LRMDA: variants seen among roughly 807,000 people sequenced by gnomAD.
The protein encoded by LRMDA is leucine-rich melanocyte differentiation-associated protein.
LRMDA carries 18 observed loss-of-function variants against 29.8 expected under a neutral mutation model. That is an observed-to-expected ratio of 0.60 (90% CI 0.42 to 0.90). The LOEUF is 0.90. LRMDA is among the 40% of genes least tolerant of loss of function. LRMDA has a pLI of 0.00. For missense variants in LRMDA, 273 were observed against 273.9 expected (o/e 1.00, Z 0.02); for synonymous variants, 125 against 109.4 (o/e 1.14, Z -0.89).
At chr10:75,761,895 G>T (rs944859193) in intron 2 of LRMDA, among the ~76,000 whole-genome samples, 10 of 149,914 alleles carry the variant, frequency 6.7e-5, no homozygotes, top group South Asian at 4.2e-4. Flanking sequence ...CTGCATCCCA[G>T]GCTCAAGTGA....
chr10:75,879,377 A>G (rs920169148), intron 2 of LRMDA, among the ~76,000 whole-genome samples: 3 of 152,298 alleles, frequency 2.0e-5, no homozygotes, highest in East Asian at 1.9e-4. Context: ...CTACCACACA[A>G]TTAGAGTAGA....
Position 75,556,756 on chromosome 10 carries a change from T to G in LRMDA, c.131+118262T>G, listed in dbSNP as rs966815191. 5.5e-4 allele frequency among the ~76,000 whole-genome samples: 83 copies of G among 151,648 alleles called. 2 individuals carry two copies. The highest frequency in any genetic ancestry group is 2.0e-4 in the Admixed American group (3 of 15,206). ...GACCCATGTGGTTGCATGATTGTTT[T>G]TTTTTTTTTTGTCATTTTATGTGAA... On this transcript the variant is annotated intron_variant, in intron 2 of 6. Transcript: ENST00000611255.
intron 5 of LRMDA, among the ~76,000 whole-genome samples, chr10:76,323,794 TG>T (rs1471394261): frequency 1.2e-4 from 19 of 152,158 alleles, no homozygotes; most frequent in African/African-American, 4.6e-4. Flanking sequence ...TTTTAGGCCT[TG>T]GAGTGACACA....
chr10:75,757,475 G>A (rs778729490), intron 2 of LRMDA, among the ~76,000 whole-genome samples: 4 of 152,180 alleles, frequency 2.6e-5, no homozygotes, highest in Non-Finnish European at 5.9e-5. Flanking sequence ...AAAGCATGCA[G>A]TGATCCCTGT....
At chr10:75,588,587 C>T (rs1346540365) in intron 2 of LRMDA, among the ~76,000 whole-genome samples, 1 of 152,050 alleles carries the variant, frequency 6.6e-6, no homozygotes, top group African/African-American at 2.4e-5. Flanking sequence ...TTTAAAATAT[C>T]CTAGCACTCT....
intron 2 of LRMDA, among the ~76,000 whole-genome samples, chr10:75,763,831 C>T (rs1227180005): frequency 3.3e-5 from 5 of 151,958 alleles, no homozygotes; most frequent in African/African-American, 1.2e-4. Flanking sequence ...CCTGTGTCCA[C>T]CATGCTTAGC....
intron 2 of LRMDA, among the ~76,000 whole-genome samples, chr10:75,821,688 G>A (rs1844161423): frequency 1.3e-5 from 2 of 152,084 alleles, no homozygotes; most frequent in South Asian, 2.1e-4. Context: ...AGAATGGTGG[G>A]AACCTGGGAG....
At chr10:75,687,382 T>C (rs1842096319) in intron 2 of LRMDA, among the ~76,000 whole-genome samples, 1 of 152,172 alleles carries the variant, frequency 6.6e-6, no homozygotes, top group South Asian at 2.1e-4. Flanking sequence ...TGAAGAAAGT[T>C]TTTGTGGTCT....
intron 2 of LRMDA, among the ~76,000 whole-genome samples, chr10:75,583,331 C>G (rs760280496): frequency 2.4e-4 from 36 of 152,310 alleles, no homozygotes; most frequent in Middle Eastern, 3.4e-3. Flanking sequence ...GCAGGCTGTG[C>G]AGGAAGCACA....
intron 2 of LRMDA, among the ~76,000 whole-genome samples, chr10:75,691,152 A>ATAGATATG: frequency 1.6e-5 from 1 of 62,794 alleles, no homozygotes; most frequent in East Asian, 7.1e-4. Flanking sequence ...ATATATCTAT[A>ATAGATATG]TACATAGATA....
chr10:75,925,155 T>G (rs1226112532), intron 2 of LRMDA, among the ~76,000 whole-genome samples: 2 of 152,236 alleles, frequency 1.3e-5, no homozygotes, highest in African/African-American at 4.8e-5. Context: ...GATGTGACAC[T>G]TTAGCTATGT....
At chr10:76,261,523 G>C (rs1008147093) in intron 5 of LRMDA, among the ~76,000 whole-genome samples, 14 of 152,222 alleles carry the variant, frequency 9.2e-5, no homozygotes, top group African/African-American at 3.4e-4. Context: ...AAAATGAACA[G>C]TGAATTAATG....
At chr10:76,174,314 AT>A (rs1850893313) in intron 5 of LRMDA, among the ~76,000 whole-genome samples, 1 of 152,132 alleles carries the variant, frequency 6.6e-6, no homozygotes, top group Non-Finnish European at 1.5e-5. Context: ...TAATTAAAAA[AT>A]TTTTAAAAAA....
At chr10:76,227,012 T>G (rs1851971293) in intron 5 of LRMDA, among the ~76,000 whole-genome samples, 1 of 152,184 alleles carries the variant, frequency 6.6e-6, no homozygotes, top group Non-Finnish European at 1.5e-5. Context: ...TGGCATATAC[T>G]TTAGAAAAAA....
At chr10:76,381,021 C>CTTTT (rs538112084) in intron 6 of LRMDA, among the ~76,000 whole-genome samples, 5 of 96,916 alleles carry the variant, frequency 5.2e-5, no homozygotes, top group African/African-American at 7.0e-5. Context: ...TTTATCTTTG[C>CTTTT]TTTTTTTTTT....
At chr10:76,000,868 A>T (rs2132468831) in intron 2 of LRMDA, among the ~76,000 whole-genome samples, 1 of 152,190 alleles carries the variant, frequency 6.6e-6, no homozygotes, top group Admixed American at 6.5e-5. Context: ...TGGTGTTGAG[A>T]GTCTGCTTCC....
intron 6 of LRMDA, among the ~76,000 whole-genome samples, chr10:76,376,932 C>T (rs1841529166): frequency 8.7e-6 from 1 of 114,674 alleles, no homozygotes. Flanking sequence ...GTTGCCCAGG[C>T]TGGAGTGCAA....
chr10:75,820,880 A>G (rs1037273178), intron 2 of LRMDA, among the ~76,000 whole-genome samples: 2 of 152,218 alleles, frequency 1.3e-5, no homozygotes, highest in Non-Finnish European at 2.9e-5. Context: ...GACTATTGTG[A>G]CCATCTGTTT....
intron 2 of LRMDA, among the ~76,000 whole-genome samples, chr10:75,660,786 T>A (rs1257205368): frequency 2.0e-5 from 3 of 152,084 alleles, no homozygotes; most frequent in Non-Finnish European, 4.4e-5. Flanking sequence ...AGTTTCAAGC[T>A]GCTGAAAAAT....
Sources: gnomAD v4.1 joint callset for allele counts (sites outside exome capture counted in the v4.1 genomes callset) on GRCh38, gnomAD v4.1.1 for gene constraint, MANE v1.5 for transcripts, NCBI Gene and HGNC (gene_info 2026-07-23, HGNC 2026-07-21) for gene names.